The following BRINP1 variants were observed in gnomAD, a reference collection of about 807,000 sequenced individuals.
The protein encoded by BRINP1 is BMP/retinoic acid inducible neural specific 1.
A neutral mutation model predicts 72.9 loss-of-function variants in BRINP1; 17 were observed. That is an observed-to-expected ratio of 0.23 (90% CI 0.16 to 0.35). The LOEUF is 0.35. BRINP1 is among the 10% of genes least tolerant of loss of function. The pLI, the probability that BRINP1 is intolerant of heterozygous loss-of-function variation, is 1.00. For synonymous variants in BRINP1, 418 were observed against 378.5 expected (o/e 1.10, Z -1.21); for missense variants, 850 against 1,001.6 (o/e 0.85, Z 2.04).
chr9:119,249,852 A>T (rs181194383), intron 2 of BRINP1, among the ~76,000 whole-genome samples: 1 of 65,642 alleles, frequency 1.5e-5, no homozygotes. Flanking sequence ...GGAAGGAAGG[A>T]AGGGAGGGAG....
intron 7 of BRINP1, among the ~76,000 whole-genome samples, chr9:119,175,105 C>G (rs1024881420): frequency 2.3e-5 from 2 of 88,168 alleles, no homozygotes; most frequent in South Asian, 7.5e-4. Flanking sequence ...TACCCTAAAA[C>G]TTAAAGTAAA....
At chr9:119,251,384 A>C in intron 2 of BRINP1, among the ~76,000 whole-genome samples, 1 of 152,160 alleles carries the variant, frequency 6.6e-6, no homozygotes, top group Non-Finnish European at 1.5e-5. Flanking sequence ...AAAGCTTCAG[A>C]GAGGAGGTCA....
chr9:119,230,864 C>G (rs926917669), intron 5 of BRINP1, among the ~76,000 whole-genome samples: 1 of 151,954 alleles, frequency 6.6e-6, no homozygotes, highest in African/African-American at 2.4e-5. Context: ...GCAGACGATA[C>G]CTCAAGTTAG....
At chr9:119,271,814 T>C (rs1830609004) in intron 2 of BRINP1, among the ~76,000 whole-genome samples, 2 of 151,958 alleles carry the variant, frequency 1.3e-5, no homozygotes, top group African/African-American at 4.8e-5. Context: ...CACAAACACG[T>C]GCAAATTTAT....
chr9:119,202,733 C>G (rs372210072), intron 7 of BRINP1, among the ~76,000 whole-genome samples: 12 of 152,244 alleles, frequency 7.9e-5, no homozygotes, highest in African/African-American at 2.6e-4. Flanking sequence ...CAAACAGAAC[C>G]TAATATATAA....
intron 7 of BRINP1, among the ~76,000 whole-genome samples, chr9:119,206,439 A>G (rs891614468): frequency 2.0e-5 from 3 of 150,678 alleles, no homozygotes; most frequent in African/African-American, 7.3e-5. Flanking sequence ...AAAAAAAAAA[A>G]AAGAGAGAGA....
chr9:119,213,854 G>T (rs752482695), intron 6 of BRINP1, 65 bp downstream of exon 6: 3 of 1,403,002 alleles, frequency 2.1e-6, no homozygotes, highest in East Asian at 4.6e-5. Flanking sequence ...ATTCCAGTTA[G>T]ATTAGCTCCC....
chr9:119,321,737 G>A (rs1388872160), intron 1 of BRINP1, among the ~76,000 whole-genome samples: 4 of 152,308 alleles, frequency 2.6e-5, no homozygotes, highest in African/African-American at 9.6e-5. Flanking sequence ...TTAAAGGTGT[G>A]AGTCACCATG....
intron 1 of BRINP1, among the ~76,000 whole-genome samples, chr9:119,340,779 T>C (rs1313759963): frequency 6.6e-6 from 1 of 152,202 alleles, no homozygotes; most frequent in Non-Finnish European, 1.5e-5. Flanking sequence ...CCTAAAGAAC[T>C]GTCACAAGGC....
intron 7 of BRINP1, among the ~76,000 whole-genome samples, chr9:119,173,289 GGATACAAAATCAATGTACAA>G (rs1192215360): frequency 1.3e-5 from 2 of 149,906 alleles, no homozygotes; most frequent in African/African-American, 5.0e-5. Context: ...CAAAGTCTCA[GGATACAAAATCAATGTACAA>G]AAATCACAAG....
intron 5 of BRINP1, among the ~76,000 whole-genome samples, chr9:119,218,625 C>T: frequency 6.6e-6 from 1 of 152,002 alleles, no homozygotes; most frequent in East Asian, 1.9e-4. Flanking sequence ...AACCAGGACT[C>T]CAATCTAGGA....
intron 2 of BRINP1, among the ~76,000 whole-genome samples, chr9:119,300,467 A>C (rs1410016368): frequency 6.6e-6 from 1 of 152,228 alleles, no homozygotes; most frequent in Non-Finnish European, 1.5e-5. Flanking sequence ...CTGTATCAAA[A>C]TATCTCATGT....
intron 5 of BRINP1, among the ~76,000 whole-genome samples, chr9:119,237,175 C>T (rs1480883302): frequency 6.6e-6 from 1 of 152,104 alleles, no homozygotes; most frequent in Non-Finnish European, 1.5e-5. Context: ...TAGAAGGTCA[C>T]ATTTTTAGTC....
chr9:119,198,390 C>T (rs546449961), intron 7 of BRINP1, among the ~76,000 whole-genome samples: 4 of 152,166 alleles, frequency 2.6e-5, no homozygotes, highest in East Asian at 1.9e-4. Flanking sequence ...CTCTCCATCA[C>T]GCCATGCAGA....
chr9:119,216,150 T>C (rs969702463), intron 5 of BRINP1, among the ~76,000 whole-genome samples: 7 of 152,190 alleles, frequency 4.6e-5, no homozygotes, highest in African/African-American at 1.2e-4. Flanking sequence ...TAACAAAACC[T>C]TCAGGATTAA....
intron 2 of BRINP1, among the ~76,000 whole-genome samples, chr9:119,292,229 A>G (rs1368035393): frequency 6.6e-6 from 1 of 152,216 alleles, no homozygotes; most frequent in Non-Finnish European, 1.5e-5. Context: ...GAGGTGTCAT[A>G]AGATCCATTC....
intron 2 of BRINP1, among the ~76,000 whole-genome samples, chr9:119,289,897 A>G (rs1254084682): frequency 1.3e-5 from 2 of 152,182 alleles, no homozygotes; most frequent in African/African-American, 4.8e-5. Context: ...CCCTAGTCCG[A>G]GTCATTATTA....
At chr9:119,168,269 G>A (rs1264499946) in intron 7 of BRINP1, 45 bp from the exon 8 acceptor site, 1 of 1,420,770 alleles carries the variant, frequency 7.0e-7, no homozygotes, top group Non-Finnish European at 9.3e-7. Context: ...ACCATGAGTG[G>A]GTCTGTGAGT....
At chr9:119,233,336 G>A (rs1830164393) in intron 5 of BRINP1, among the ~76,000 whole-genome samples, 1 of 151,786 alleles carries the variant, frequency 6.6e-6, no homozygotes, top group Non-Finnish European at 1.5e-5. Flanking sequence ...TTCTTCATGG[G>A]AATCATGTTG....
Sources: gnomAD v4.1 joint callset for allele counts (sites outside exome capture counted in the v4.1 genomes callset) on GRCh38, gnomAD v4.1.1 for gene constraint, MANE v1.5 for transcripts, NCBI Gene and HGNC (gene_info 2026-07-23, HGNC 2026-07-21) for gene names.